The following BCAR3 variants were observed in gnomAD, a reference collection of about 807,000 sequenced individuals.
BCAR3 encodes breast cancer anti-estrogen resistance protein 3.
BCAR3 carries 37 observed loss-of-function variants against 80.1 expected under a neutral mutation model. That is an observed-to-expected ratio of 0.46 (90% CI 0.36 to 0.61). The LOEUF (loss-of-function observed/expected upper bound fraction) is 0.61, where lower values mean the gene tolerates loss of function less well. BCAR3 is among the 20% of genes least tolerant of loss of function. BCAR3 has a pLI of 0.00. For synonymous variants in BCAR3, 389 were observed against 418.9 expected (o/e 0.93, Z 0.87); for missense variants, 978 against 1,068.2 (o/e 0.92, Z 1.18).
At chr1:93,574,353 A>T (rs1398382548) in intron 8 of BCAR3, among the ~76,000 whole-genome samples, 3 of 152,246 alleles carry the variant, frequency 2.0e-5, no homozygotes, top group Non-Finnish European at 4.4e-5. Context: ...AGGTGATATC[A>T]TGTGACACAT....
chr1:93,763,774 A>G (rs1652042334), intron 2 of BCAR3, among the ~76,000 whole-genome samples: 2 of 152,204 alleles, frequency 1.3e-5, no homozygotes, highest in Admixed American at 1.3e-4. Context: ...TTTCTGGAAC[A>G]TAAAGGCCTG....
intron 2 of BCAR3, among the ~76,000 whole-genome samples, chr1:93,668,166 G>A (rs906608336): frequency 6.6e-6 from 1 of 152,174 alleles, no homozygotes; most frequent in Non-Finnish European, 1.5e-5. Flanking sequence ...CAGAGGAGAT[G>A]TTACACAGCT....
At chr1:93,738,499 A>T (rs1651069393) in intron 2 of BCAR3, among the ~76,000 whole-genome samples, 1 of 152,232 alleles carries the variant, frequency 6.6e-6, no homozygotes. Flanking sequence ...GCCAAGGATG[A>T]GCTGCACTGG....
At chr1:93,692,365 C>T (rs1649224284) in intron 3 of BCAR3, among the ~76,000 whole-genome samples, 1 of 152,102 alleles carries the variant, frequency 6.6e-6, no homozygotes, top group Non-Finnish European at 1.5e-5. Flanking sequence ...ACTGAGGTTT[C>T]CAAATGGTAA....
chr1:93,642,222 A>G (rs1676002409), intron 3 of BCAR3, 82 bp downstream of exon 3: 2 of 1,457,074 alleles, frequency 1.4e-6, no homozygotes, highest in Non-Finnish European at 1.9e-6. Context: ...ACCAGGCTGC[A>G]GCATTATTTA....
At position 93,674,643 on chromosome 1, in the gene BCAR3, C is replaced by T; in HGVS notation, c.288G>A (p.Gln96=). The change falls in exon 2 of 12, where the codon CAG becomes CAA. Residue 96 remains glutamine, a synonymous_variant. Coordinates refer to ENST00000260502, the MANE Select transcript of BCAR3 (RefSeq NM_003567.4). ...AGGTGAAGGTTTCGCCGTGCCGGTC[C>T]TGCCATGGGCTCTCCTGGATGCCAT... is the stretch of plus-strand genomic sequence containing the variant. ...TQDGIQESPW[Q]DRHGETFTFR... 6.2e-7 allele frequency: 1 copy of T among 1,613,626 alleles called. No individual in the cohort carries two copies. Among genetic ancestry groups the T allele is most frequent in the Non-Finnish European group, 8.5e-7 (1 of 1,179,878 alleles).
intron 3 of BCAR3, among the ~76,000 whole-genome samples, chr1:93,623,298 G>GT (rs1338597195): frequency 2.8e-5 from 3 of 105,296 alleles, no homozygotes; most frequent in African/African-American, 1.2e-4. Context: ...AAAAATGTAA[G>GT]GGGGGGAATG....
chr1:93,724,596 G>A (rs1186640401), intron 2 of BCAR3, among the ~76,000 whole-genome samples: 2 of 152,160 alleles, frequency 1.3e-5, no homozygotes, highest in East Asian at 1.9e-4. Context: ...AGGGATGACC[G>A]GCTGTCCAGT....
intron 10 of BCAR3, 73 bp downstream of exon 10, chr1:93,567,667 A>C: frequency 6.8e-7 from 1 of 1,466,264 alleles, no homozygotes; most frequent in South Asian, 1.2e-5. Flanking sequence ...TCAGGGCCTC[A>C]TAACATGCCC....
intron 7 of BCAR3, among the ~76,000 whole-genome samples, chr1:93,577,403 C>T (rs938355268): frequency 2.6e-5 from 4 of 152,152 alleles, no homozygotes; most frequent in Non-Finnish European, 4.4e-5. Flanking sequence ...ACTGTCAACC[C>T]TGAGGGGATG....
At chr1:93,604,140 T>C (rs236340) in intron 3 of BCAR3, among the ~76,000 whole-genome samples, 2,452 of 152,306 alleles carry the variant, frequency 0.016, 63 homozygotes, top group African/African-American at 0.055. Flanking sequence ...CAAATGGTCG[T>C]TTTAGTGCCA....
upstream of BCAR3, among the ~76,000 whole-genome samples, chr1:93,685,532 C>T (rs1648946462): frequency 1.3e-5 from 2 of 152,162 alleles, no homozygotes; most frequent in Non-Finnish European, 2.9e-5. Context: ...CATAGCATTT[C>T]TTTGAAGAGA....
intron 3 of BCAR3, among the ~76,000 whole-genome samples, chr1:93,618,264 C>T (rs555261361): frequency 2.0e-5 from 3 of 152,350 alleles, no homozygotes; most frequent in South Asian, 4.1e-4. Flanking sequence ...ACAAGACGTT[C>T]GCCTGCCCTG....
intron 2 of BCAR3, among the ~76,000 whole-genome samples, chr1:93,730,023 G>A (rs1181371643): frequency 6.6e-6 from 1 of 152,068 alleles, no homozygotes; most frequent in African/African-American, 2.4e-5. Flanking sequence ...TATAGAACAG[G>A]CTTATTTTAA....
intron 9 of BCAR3, among the ~76,000 whole-genome samples, chr1:93,568,595 T>C (rs1342346007): frequency 6.6e-6 from 1 of 152,228 alleles, no homozygotes; most frequent in African/African-American, 2.4e-5. Context: ...TGAAGAATTT[T>C]GAAAGCTCTT....
intron 2 of BCAR3, among the ~76,000 whole-genome samples, chr1:93,724,757 G>A (rs1384939054): frequency 1.3e-5 from 2 of 152,196 alleles, no homozygotes; most frequent in Non-Finnish European, 2.9e-5. Context: ...GCGGGAAGCC[G>A]ATGCAATGTC....
chr1:93,813,938 T>C lies in BCAR3; in HGVS notation c.-63+31629A>G, dbSNP rs559164498. Among the ~76,000 whole-genome samples, 4 of 152,350 alleles carry C rather than the reference T, an allele frequency of 2.6e-5. No individual in the cohort carries two copies. The East Asian group carries it at 7.7e-4, about 29-fold the overall frequency. Reference sequence around the variant, plus strand: ...TGCCTTTCTTTGACTTTTTGGACCTTAGCAATTTTGAAGGGTACTAGCCAG... The same window carrying C: ...TGCCTTTCTTTGACTTTTTGGACCTCAGCAATTTTGAAGGGTACTAGCCAG... On this transcript the variant is annotated intron_variant, in intron 2 of 13. Transcript: ENST00000370244.
At chr1:93,697,698 G>T (rs1649466358) in intron 3 of BCAR3, among the ~76,000 whole-genome samples, 1 of 152,224 alleles carries the variant, frequency 6.6e-6, no homozygotes, top group Admixed American at 6.5e-5. Context: ...GAGAGGGCTA[G>T]GCCGGGCGTG....
At chr1:93,811,290 T>C (rs2100804158) in intron 2 of BCAR3, among the ~76,000 whole-genome samples, 1 of 152,220 alleles carries the variant, frequency 6.6e-6, no homozygotes, top group East Asian at 1.9e-4. Flanking sequence ...TGGGGCAGCA[T>C]AAACCTAAGT....
Sources: gnomAD v4.1 joint callset for allele counts (sites outside exome capture counted in the v4.1 genomes callset) on GRCh38, gnomAD v4.1.1 for gene constraint, MANE v1.5 for transcripts, NCBI Gene and HGNC (gene_info 2026-07-23, HGNC 2026-07-21) for gene names.